Variants in DPYD observed in about 807,000 individuals in gnomAD.
DPYD encodes dihydropyrimidine dehydrogenase.
Under a neutral mutation model 116.2 loss-of-function variants are expected in DPYD, and 109 were observed. The ratio of observed to expected loss-of-function variants is 0.94; its 90% confidence interval spans 0.80 to 1.10. The LOEUF is 1.10. Ranked by LOEUF, DPYD falls within the 50% of genes least tolerant of loss-of-function variation. The pLI is 0.00. For synonymous variants in DPYD, 440 were observed against 432.0 expected (o/e 1.02, Z -0.23); for missense variants, 1,302 against 1,254.5 (o/e 1.04, Z -0.57).
intron 13 of DPYD, among the ~76,000 whole-genome samples, chr1:97,500,651 C>T (rs1323193184): frequency 6.6e-6 from 1 of 152,054 alleles, no homozygotes; most frequent in Non-Finnish European, 1.5e-5. Flanking sequence ...ACATGCCACG[C>T]AAGCAGCATA....
intron 14 of DPYD, among the ~76,000 whole-genome samples, chr1:97,422,453 T>C (rs999310001): frequency 1.2e-4 from 18 of 152,286 alleles, no homozygotes; most frequent in African/African-American, 3.8e-4. Context: ...GAGATTGTAG[T>C]AGACTGACCT....
chr1:97,502,134 T>A (rs1423857018), intron 13 of DPYD, among the ~76,000 whole-genome samples: 1 of 152,044 alleles, frequency 6.6e-6, no homozygotes, highest in African/African-American at 2.4e-5. Context: ...GATTTAAAAG[T>A]CATAAGATCT....
chr1:97,623,058 T>C (rs570133245), intron 8 of DPYD, among the ~76,000 whole-genome samples: 1 of 152,190 alleles, frequency 6.6e-6, no homozygotes, highest in African/African-American at 2.4e-5. Context: ...GGGTATGAGA[T>C]AGGACTCTGG....
In DPYD at chr1:97,305,365, G is replaced by T. The variant is rs139543981; in HGVS notation, c.2193C>A (p.Gly731=). Residue 731 remains glycine, a synonymous_variant, in exon 18 of 23, where the codon GGC becomes GGA. Transcript: ENST00000370192. ...CTGAGACAGTGTTGGTGGCTGTAAC[G>T]CCATTGGCACCACCTATGCAAGACA... ...ARAAKEGGAN[G]VTATNTVSGL... 8.1e-6 allele frequency: 13 copies of T among 1,612,048 alleles called. No individual in the cohort carries two copies. Among genetic ancestry groups the T allele is most frequent in the Admixed American group, 1.7e-5 (1 of 59,834 alleles).
chr1:97,520,072 T>G (rs1228840792), intron 12 of DPYD, among the ~76,000 whole-genome samples: 1 of 152,186 alleles, frequency 6.6e-6, no homozygotes, highest in Non-Finnish European at 1.5e-5. Flanking sequence ...CATAGTCTGA[T>G]TTTTTTATAA....
intron 1 of DPYD, among the ~76,000 whole-genome samples, chr1:97,905,676 C>A: frequency 6.6e-6 from 1 of 152,068 alleles, no homozygotes; most frequent in Middle Eastern, 3.4e-3. Context: ...GTGGATTAGA[C>A]GCCATTCATA....
At chr1:97,917,491 T>C (rs1362672537) in intron 1 of DPYD, among the ~76,000 whole-genome samples, 1 of 152,224 alleles carries the variant, frequency 6.6e-6, no homozygotes, top group Non-Finnish European at 1.5e-5. Flanking sequence ...ATACAGAAAA[T>C]TCCCAATTAC....
intron 14 of DPYD, among the ~76,000 whole-genome samples, chr1:97,422,598 C>T (rs562020264): frequency 1.5e-3 from 235 of 152,216 alleles, no homozygotes; most frequent in African/African-American, 5.5e-3. Flanking sequence ...AGTATTACTT[C>T]ACATTGTACA....
intron 13 of DPYD, among the ~76,000 whole-genome samples, chr1:97,497,472 A>G (rs1271390834): frequency 6.6e-6 from 1 of 151,782 alleles, no homozygotes; most frequent in Non-Finnish European, 1.5e-5. Context: ...GAATAAGGGG[A>G]AAAAAATATG....
intron 15 of DPYD, among the ~76,000 whole-genome samples, chr1:97,378,332 T>C (rs1671753303): frequency 6.6e-6 from 1 of 152,202 alleles, no homozygotes; most frequent in Non-Finnish European, 1.5e-5. Flanking sequence ...TACCTCAAAC[T>C]ATTTGGGATT....
chr1:97,315,252 T>C (rs1351167799), intron 16 of DPYD, among the ~76,000 whole-genome samples: 1 of 151,922 alleles, frequency 6.6e-6, no homozygotes, highest in African/African-American at 2.4e-5. Context: ...TGCTTCCTCC[T>C]TTAGGTGTGC....
Position 97,586,517 on chromosome 1 carries a change from T to C in DPYD, c.1128+6701A>G, listed in dbSNP as rs569366727. On this transcript the variant is annotated intron_variant, in intron 10 of 22. Transcript: ENST00000370192. Reference sequence around the variant, plus strand: ...ATATATATATATATATATATATATATATGCTGTGAAAAAAATATATATAGA... The same window carrying C: ...ATATATATATATATATATATATATACATGCTGTGAAAAAAATATATATAGA... Among the ~76,000 whole-genome samples the C allele has an allele frequency of 2.5e-4, 18 of 73,462 alleles. No individual in the cohort carries two copies. In the South Asian group the frequency reaches 7.5e-3, roughly 31 times the overall value. 48.2% of individuals were successfully genotyped at this position (73,462 alleles called of 152,430 possible).
At chr1:97,313,282 T>C (rs1029696945) in intron 16 of DPYD, among the ~76,000 whole-genome samples, 8 of 151,842 alleles carry the variant, frequency 5.3e-5, no homozygotes, top group African/African-American at 1.9e-4. Flanking sequence ...AAATTGAGAG[T>C]ACAGTATACT....
At chr1:97,192,931 G>A in intron 20 of DPYD, 138 bp downstream of exon 20, 1 of 943,538 alleles carries the variant, frequency 1.1e-6, no homozygotes, top group Middle Eastern at 3.0e-4. Context: ...GTCTCCTTCA[G>A]AAAGAGTCCA....
intron 18 of DPYD, among the ~76,000 whole-genome samples, chr1:97,301,962 G>C (rs569408220): frequency 1.3e-5 from 2 of 152,036 alleles, no homozygotes; most frequent in South Asian, 4.2e-4. Flanking sequence ...AATTAAACTG[G>C]GAAAAATAAT....
intron 13 of DPYD, among the ~76,000 whole-genome samples, chr1:97,475,437 G>A (rs969846505): frequency 1.3e-5 from 2 of 151,992 alleles, no homozygotes; most frequent in Non-Finnish European, 2.9e-5. Context: ...TAATAAATAA[G>A]TAAAGGAACA....
intron 2 of DPYD, among the ~76,000 whole-genome samples, chr1:97,876,582 C>A (rs1671933145): frequency 6.6e-6 from 1 of 151,934 alleles, no homozygotes. Context: ...GGATAGAGGG[C>A]AGGAGATGAT....
chr1:97,111,272 A>G (rs1181416613), intron 20 of DPYD, among the ~76,000 whole-genome samples: 1 of 152,086 alleles, frequency 6.6e-6, no homozygotes, highest in Non-Finnish European at 1.5e-5. Flanking sequence ...ACTATGACAG[A>G]TGATTCCTCT....
intron 3 of DPYD, among the ~76,000 whole-genome samples, chr1:97,813,600 C>A (rs1034200520): frequency 2.0e-5 from 3 of 151,960 alleles, no homozygotes; most frequent in African/African-American, 4.8e-5. Flanking sequence ...TGACAAACAC[C>A]CATTTCCACT....
Sources: gnomAD v4.1 joint callset for allele counts (sites outside exome capture counted in the v4.1 genomes callset) on GRCh38, gnomAD v4.1.1 for gene constraint, MANE v1.5 for transcripts, NCBI Gene and HGNC (gene_info 2026-07-23, HGNC 2026-07-21) for gene names.